The following MYOF variants were observed in gnomAD, a reference collection of about 807,000 sequenced individuals.
MYOF encodes fer-1-like 3, myoferlin.
Under a neutral mutation model 284.2 loss-of-function variants are expected in MYOF, and 244 were observed. The ratio of observed to expected loss-of-function variants is 0.86; its 90% CI spans 0.77 to 0.95. The LOEUF (loss-of-function observed/expected upper bound fraction) is 0.95. Among genes scored for constraint, MYOF ranks in the 40% least tolerant of loss-of-function variants. MYOF has a pLI of 0.00. For synonymous variants in MYOF, 904 were observed against 919.7 expected, an observed-to-expected ratio of 0.98 and a Z score of 0.31; for missense variants, 2,496 against 2,560.6, an observed-to-expected ratio of 0.97 and a Z score of 0.54.
intron 12 of MYOF, among the ~76,000 whole-genome samples, chr10:93,400,010 G>A (rs1847198216): frequency 6.6e-6 from 1 of 152,208 alleles, no homozygotes; most frequent in Non-Finnish European, 1.5e-5. Context: ...CAGCCTAGGT[G>A]ACAGAGTGAG....
chr10:93,352,280 T>C (rs1844562021), intron 32 of MYOF, among the ~76,000 whole-genome samples: 1 of 152,182 alleles, frequency 6.6e-6, no homozygotes, highest in African/African-American at 2.4e-5. Context: ...CTTCACGGTG[T>C]TGAGAGGATG....
At position 93,409,888 on chromosome 10, in the gene MYOF, C is replaced by T; in HGVS notation, c.434-149G>A. ...AAGGAGATCCTCTTGGTGACACTGA[C>T]TTGGGACTTCTTGTGACTTGGAAAA... is the stretch of plus-strand genomic sequence containing the variant. On this transcript the variant is annotated intron_variant, in intron 5 of 53. Transcript: ENST00000359263. 4.3e-6 allele frequency: 4 copies of T among 929,558 alleles called. No homozygotes were observed. The South Asian group carries it at 6.5e-5, about 15-fold the overall frequency. 57.6% of individuals were successfully genotyped at this position (929,558 alleles called of 1,614,324 possible). A position where few individuals can be genotyped will look rare whatever the true frequency, so the allele number is the denominator to read the frequency against.
In MYOF at chr10:93,440,191, A is replaced by C. The variant is rs144851786; in HGVS notation, c.237-8675T>G. Among the ~76,000 whole-genome samples, 154 of 152,262 alleles carry C rather than the reference A, an allele frequency of 1.0e-3. 2 individuals are homozygous for C. The East Asian group carries it at 0.027, about 27-fold the overall frequency. ...CACTTTGTGAGGCCGAGGCAGGTGGATCACGAGGTCAAGAGATCAAGACCA... is the reference window on the plus strand; with the variant it reads ...CACTTTGTGAGGCCGAGGCAGGTGGCTCACGAGGTCAAGAGATCAAGACCA... On this transcript the variant is annotated intron_variant, in intron 3 of 53. Coordinates refer to ENST00000359263, the MANE Select transcript of MYOF (RefSeq NM_013451.4).
chr10:93,455,325 CAAAAAAA>C (rs758921726), intron 2 of MYOF, among the ~76,000 whole-genome samples: 4 of 150,720 alleles, frequency 2.7e-5, no homozygotes, highest in African/African-American at 7.3e-5. Context: ...AAAAAAAGAA[CAAAAAAA>C]ACCCCCAAGG....
chr10:93,468,429 G>A (rs2134374972), intron 1 of MYOF, among the ~76,000 whole-genome samples: 1 of 152,342 alleles, frequency 6.6e-6, no homozygotes, highest in African/African-American at 2.4e-5. Context: ...ACATTACCAG[G>A]TGTTGGAATC....
Position 93,372,950 on chromosome 10 carries a change from T to A in MYOF, c.2437A>T (p.Thr813Ser), listed in dbSNP as rs1845657925. The A allele has an allele frequency of 1.2e-6, 2 of 1,614,160 alleles. No individual in the cohort carries two copies. The highest frequency in any genetic ancestry group is 2.2e-5 in the South Asian group (2 of 91,082). Residue 813 changes from threonine to serine, a missense_variant, in exon 24 of 54, where the codon ACC becomes TCC. Physicochemically the swap from Thr to Ser is moderately conservative, Grantham distance 58 (BLOSUM62 1). This residue lies in a region of MYOF where 2,436 missense variants were observed against 2,480.7 expected (regional missense o/e 0.98). Coordinates refer to ENST00000359263, the MANE Select transcript of MYOF (RefSeq NM_013451.4). ...TGTACCTTCAGAAAGATGGTTTGGG[T>A]TTTCCCACAGTATTTTCCAGATGCA... The part of the protein sequence containing the change: ...ENASGKYCGK[T>S]QTIFLKYPQE...
intron 2 of MYOF, 87 bp from the exon 3 acceptor site, chr10:93,452,228 G>A: frequency 1.2e-6 from 1 of 812,426 alleles, no homozygotes; most frequent in Non-Finnish European, 2.1e-6. Context: ...AGTACTACAT[G>A]TTGGGTCATT....
intron 48 of MYOF, among the ~76,000 whole-genome samples, chr10:93,321,803 A>G (rs1314693830): frequency 2.0e-5 from 3 of 152,182 alleles, no homozygotes; most frequent in African/African-American, 7.2e-5. Flanking sequence ...GCATGTATGT[A>G]TATGTATAGC....
At chr10:93,352,148 G>A (rs1273189356) in intron 32 of MYOF, among the ~76,000 whole-genome samples, 1 of 152,168 alleles carries the variant, frequency 6.6e-6, no homozygotes, top group East Asian at 1.9e-4. Context: ...GTTGAGTGAG[G>A]CTCTGCAGTC....
At position 93,389,049 on chromosome 10, in the gene MYOF, T is replaced by A. The variant is rs1564674646; in HGVS notation, c.1562A>T (p.Asp521Val). Residue 521 changes from aspartate (D) to valine (V), a missense_variant, in exon 18 of 54, where the codon GAT becomes GTT. Physicochemically the swap from Asp to Val is radical, Grantham distance 152 (BLOSUM62 -3). Around this residue, in one of 3 missense-constraint regions of MYOF, gnomAD observed 2,436 missense variants for 2,480.7 expected, o/e 0.98. Transcript: ENST00000359263. Reference sequence around the variant, plus strand: ...ACCAACCTTTCCAGTATTCAGCTCATCATAGGGGTCTGGGAATCCCGTGTA... The same window carrying A: ...ACCAACCTTTCCAGTATTCAGCTCAACATAGGGGTCTGGGAATCCCGTGTA... ...REYTGFPDPYDELNTGKGEGV... is the reference protein window; with the variant it reads ...REYTGFPDPYVELNTGKGEGV... 2 of 1,614,092 alleles carry A rather than the reference T, an allele frequency of 1.2e-6. No homozygotes were observed. Among genetic ancestry groups the A allele is most frequent in the Non-Finnish European group, 1.7e-6 (2 of 1,179,990 alleles).
chr10:93,405,493 T>C (rs918439631), intron 7 of MYOF, among the ~76,000 whole-genome samples: 5 of 152,236 alleles, frequency 3.3e-5, no homozygotes, highest in African/African-American at 1.2e-4. Flanking sequence ...GAAGTTTCAC[T>C]ATGTTGCTCG....
intron 38 of MYOF, 185 bp from the exon 39 acceptor site, chr10:93,340,349 A>G: frequency 1.7e-6 from 1 of 585,286 alleles, no homozygotes; most frequent in Non-Finnish European, 3.0e-6. Flanking sequence ...ATGAGCCCAC[A>G]ACTGAACCCA....
intron 5 of MYOF, among the ~76,000 whole-genome samples, chr10:93,411,103 T>C: frequency 6.6e-6 from 1 of 152,280 alleles, no homozygotes; most frequent in Non-Finnish European, 1.5e-5. Flanking sequence ...GTATCTGGCA[T>C]ACAGAAGCAC....
intron 5 of MYOF, 116 bp from the exon 6 acceptor site, chr10:93,409,855 GGC>G: frequency 2.4e-6 from 3 of 1,264,398 alleles, no homozygotes; most frequent in Admixed American, 4.5e-5. Flanking sequence ...TTCCTAAAGT[GGC>G]AGGTGAAGGA....
At chr10:93,474,014 T>A (rs1466438775) in intron 1 of MYOF, among the ~76,000 whole-genome samples, 1 of 152,146 alleles carries the variant, frequency 6.6e-6, no homozygotes, top group Non-Finnish European at 1.5e-5. Flanking sequence ...GGGTGCACAC[T>A]CCAGCTGGAA....
chr10:93,342,219 T>G (rs191109233), intron 38 of MYOF, among the ~76,000 whole-genome samples: 54 of 152,326 alleles, frequency 3.5e-4, no homozygotes, highest in African/African-American at 1.3e-3. Context: ...TCCCTCCATT[T>G]ACCCAGATAC....
intron 7 of MYOF, among the ~76,000 whole-genome samples, chr10:93,406,201 T>A (rs1363042833): frequency 2.0e-5 from 3 of 147,044 alleles, no homozygotes; most frequent in Non-Finnish European, 3.0e-5. Flanking sequence ...TCCAATGATC[T>A]ACCCACCTCG....
intron 25 of MYOF, 43 bp downstream of exon 25, chr10:93,369,602 C>T (rs201558733): frequency 1.5e-4 from 242 of 1,610,142 alleles, no homozygotes; most frequent in Admixed American, 2.3e-4. Flanking sequence ...AAGTGCCCCT[C>T]CCCCGACCAA....
At position 93,417,070 on chromosome 10, in the gene MYOF, T is replaced by C. The variant is rs939059187; in HGVS notation, c.434-7331A>G. On this transcript the variant is annotated intron_variant, in intron 5 of 53. Transcript: ENST00000359263. ...TGGAGCCAATGCTCAAATCCAGATCTGTTGATTCACAGTGGTTCAAGATTC... is the reference window on the plus strand; with the variant it reads ...TGGAGCCAATGCTCAAATCCAGATCCGTTGATTCACAGTGGTTCAAGATTC... Among the ~76,000 whole-genome samples the C allele has an allele frequency of 2.6e-5, 4 of 152,232 alleles. No homozygotes were observed. In the South Asian group the frequency reaches 8.3e-4, roughly 32 times the overall value.
Sources: allele counts gnomAD v4.1 joint callset (sites outside exome capture counted in the v4.1 genomes callset), GRCh38; gene constraint gnomAD v4.1.1; regional missense constraint gnomAD v4.1.1; transcripts MANE v1.5; gene names NCBI Gene and HGNC (gene_info 2026-07-23, HGNC 2026-07-21).